KIF21A: variants seen among roughly 807,000 people sequenced by gnomAD.
KIF21A encodes kinesin-like protein KIF21A.
In KIF21A, 114 loss-of-function variants were observed where a neutral mutation model predicts 202.9. The ratio of observed to expected loss-of-function variants is 0.56; its 90% CI spans 0.48 to 0.66. The LOEUF (loss-of-function observed/expected upper bound fraction) is 0.66, where lower values mean the gene tolerates loss of function less well. Ranked by LOEUF, KIF21A falls within the 30% of genes least tolerant of loss-of-function variation. The pLI, the probability that KIF21A is intolerant of heterozygous loss-of-function variation, is 0.00. For synonymous variants in KIF21A, 667 were observed against 670.8 expected (o/e 0.99, Z 0.09); for missense variants, 1,677 against 1,994.9 (o/e 0.84, Z 3.04).
Position 39,416,739 on chromosome 12 carries a change from A to ATATATATATGTACATATATATGTG in KIF21A, c.44+26164_44+26187dup, listed in dbSNP as rs1566268899. ...TGTATATATGTACATATATATGTGT[A>ATATATATATGTACATATATATGTG]TATATATATGTACATATATATGTGT... On this transcript the variant is annotated intron_variant, in intron 1 of 37. Transcript: ENST00000361418. Among the ~76,000 whole-genome samples the ATATATATATGTACATATATATGTG allele has an allele frequency of 1.9e-3, 147 of 78,510 alleles. 2 individuals carry two copies. Among genetic ancestry groups the ATATATATATGTACATATATATGTG allele is most frequent in the South Asian group, 3.7e-3 (9 of 2,446 alleles). The allele number at this position is 78,510 out of a possible 152,430, so 51.5% of individuals were successfully genotyped here. A position where few individuals can be genotyped will look rare whatever the true frequency, so the allele number is the denominator to read the frequency against.
Position 39,357,437 on chromosome 12 carries a change from C to T in KIF21A, c.1216G>A (p.Gly406Ser), listed in dbSNP as rs1229330768. The T allele has an allele frequency of 6.2e-7, 1 of 1,612,128 alleles. No homozygotes were observed. The highest frequency in any genetic ancestry group is 1.7e-5 in the Admixed American group (1 of 60,028). Residue 406 changes from glycine to serine, a missense_variant and splice_region_variant, in exon 9 of 38, where the codon GGT becomes AGT. By Grantham distance (56) the Gly-to-Ser change is moderately conservative. This residue lies in a region of KIF21A where 966 missense variants were observed against 1,180.9 expected (regional missense o/e 0.82). Transcript: ENST00000361418. ...CCCTCTTCGTCAATTATTCTTTTAC[C>T]CTAGTAAAGGAAAATAATGTCCTTG... ...LQMELMEYKT[G>S]KRIIDEEGVE...
At chr12:39,398,706 T>C (rs1951941061) in intron 1 of KIF21A, among the ~76,000 whole-genome samples, 1 of 152,118 alleles carries the variant, frequency 6.6e-6, no homozygotes, top group Admixed American at 6.5e-5. Flanking sequence ...AAGTATATAG[T>C]TTACAAGACC....
At chr12:39,309,833 A>G (rs1427337618) in intron 32 of KIF21A, 67 bp from the exon 33 acceptor site, 2 of 1,282,914 alleles carry the variant, frequency 1.6e-6, no homozygotes, top group East Asian at 2.5e-5. Context: ...TCTTAACAAT[A>G]AAAATTATTT....
intron 1 of KIF21A, among the ~76,000 whole-genome samples, chr12:39,414,354 GTC>G (rs1392104499): frequency 6.6e-6 from 1 of 152,148 alleles, no homozygotes; most frequent in Non-Finnish European, 1.5e-5. Flanking sequence ...TTACATTACT[GTC>G]TCTAATACTT....
chr12:39,307,437 T>TA, intron 34 of KIF21A, 128 bp downstream of exon 34: 1 of 791,574 alleles, frequency 1.3e-6, no homozygotes, highest in Non-Finnish European at 2.1e-6. Flanking sequence ...CTATGCTGAA[T>TA]AAAAAAGCCT....
At chr12:39,348,607 A>G (rs192727019) in intron 11 of KIF21A, among the ~76,000 whole-genome samples, 39 of 152,086 alleles carry the variant, frequency 2.6e-4, no homozygotes, top group Admixed American at 6.6e-4. Flanking sequence ...AGCCACTCCA[A>G]CCAAAAATCT....
chr12:39,307,616 G>A lies in KIF21A; in HGVS notation c.4391C>T (p.Thr1464Ile), dbSNP rs568874833. 1 of 1,614,108 alleles carries A rather than the reference G, an allele frequency of 6.2e-7. No homozygotes were observed. Among genetic ancestry groups the A allele is most frequent in the East Asian group, 2.2e-5 (1 of 44,862 alleles). Residue 1464 changes from threonine to isoleucine, a missense_variant, in exon 34 of 38, where the codon ACC becomes ATC. Thr to Ile is a moderately conservative substitution (Grantham distance 89). Coordinates refer to ENST00000361418, the MANE Select transcript of KIF21A (RefSeq NM_001173464.2). ...INQIALNPTGTFLYAASGNAV... is the reference protein window; with the variant it reads ...INQIALNPTGIFLYAASGNAV... ...ATTTCCAGAAGCAGCATAGAGGAAG[G>A]TGCCAGTTGGGTTTAGGGCAATTTG...
Position 39,325,968 on chromosome 12 carries a change from A to T in KIF21A, c.3402-75T>A. The T allele has an allele frequency of 2.6e-6, 3 of 1,136,488 alleles. No individual in the cohort carries two copies. The South Asian group carries it at 4.0e-5, about 15-fold the overall frequency. The allele number at this position is 1,136,488 out of a possible 1,614,324, so 70.4% of individuals were successfully genotyped here. ...AGAAAACTATAGCTCCTCTATATCA[A>T]CGACTACAAAAAATTTATATGCCTA... is the stretch of plus-strand genomic sequence containing the variant. On this transcript the variant is annotated intron_variant, in intron 25 of 37. Coordinates refer to ENST00000361418, the MANE Select transcript of KIF21A (RefSeq NM_001173464.2).
chr12:39,426,770 G>C (rs1954791697), intron 1 of KIF21A, among the ~76,000 whole-genome samples: 1 of 150,372 alleles, frequency 6.7e-6, no homozygotes, highest in Admixed American at 6.6e-5. Flanking sequence ...GGTAATCCCA[G>C]CTACTTGGGA....
chr12:39,323,140 C>T (rs1018300925), intron 26 of KIF21A, among the ~76,000 whole-genome samples: 7 of 151,960 alleles, frequency 4.6e-5, no homozygotes, highest in East Asian at 1.9e-4. Context: ...TATATTAGCA[C>T]GAGATAGGTA....
In KIF21A at chr12:39,303,023, C is replaced by A. The variant is rs1235926181; in HGVS notation, c.4673G>T (p.Ser1558Ile). 1 of 1,614,062 alleles carries A rather than the reference C, an allele frequency of 6.2e-7. No homozygotes were observed. ...CTTGATTCCATTATCTCTAGACCCA[C>A]TAAATAGGTTATCCCCTTGAATGGT... ...ALTIQGDNLF[S>I]GSRDNGIKKW... Residue 1558 changes from serine to isoleucine, a missense_variant, in exon 36 of 38, where the codon AGT becomes ATT. Ser to Ile is a moderately radical substitution (Grantham distance 142). Transcript: ENST00000361418.
chr12:39,400,114 A>G (rs1952052317), intron 1 of KIF21A, among the ~76,000 whole-genome samples: 1 of 152,224 alleles, frequency 6.6e-6, no homozygotes, highest in Admixed American at 6.5e-5. Context: ...TTCCTGGTTT[A>G]GTGAAAATCC....
Position 39,331,739 on chromosome 12 carries a change from G to T in KIF21A, c.3104C>A (p.Thr1035Lys), listed in dbSNP as rs1946524402. The T allele has an allele frequency of 6.2e-7, 1 of 1,613,676 alleles. No individual in the cohort carries two copies. Among genetic ancestry groups the T allele is most frequent in the Non-Finnish European group, 8.5e-7 (1 of 1,179,694 alleles). Reference sequence around the variant, plus strand: ...GTGATCTAGCAGGTATCGGGCTTCTGTAAGGGTGCAGGCATTAATGACTGC... The same window carrying T: ...GTGATCTAGCAGGTATCGGGCTTCTTTAAGGGTGCAGGCATTAATGACTGC... ...VTAVINACTLTEARYLLDHFL... is the reference protein window; with the variant it reads ...VTAVINACTLKEARYLLDHFL... Residue 1035 changes from threonine (T) to lysine (K), a missense_variant, in exon 22 of 38, where the codon ACA becomes AAA. Thr to Lys is a moderately conservative substitution (Grantham distance 78, BLOSUM62 -1). Coordinates refer to ENST00000361418, the MANE Select transcript of KIF21A (RefSeq NM_001173464.2).
At chr12:39,409,094 T>C (rs1952858261) in intron 1 of KIF21A, among the ~76,000 whole-genome samples, 1 of 151,896 alleles carries the variant, frequency 6.6e-6, no homozygotes, top group South Asian at 2.1e-4. Flanking sequence ...CCTTGGCCTC[T>C]GAAAGTGTTG....
At chr12:39,362,376 A>G (rs1949302278) in intron 7 of KIF21A, among the ~76,000 whole-genome samples, 1 of 152,212 alleles carries the variant, frequency 6.6e-6, no homozygotes, top group African/African-American at 2.4e-5. Context: ...TATTGCAAAC[A>G]CTGTAAAATA....
chr12:39,381,816 T>G (rs1950635084), intron 1 of KIF21A, among the ~76,000 whole-genome samples: 1 of 152,186 alleles, frequency 6.6e-6, no homozygotes, highest in South Asian at 2.1e-4. Flanking sequence ...TTAGAGTTAA[T>G]CAAAGGGAAA....
At chr12:39,356,065 G>C (rs945629410) in intron 10 of KIF21A, among the ~76,000 whole-genome samples, 2 of 152,178 alleles carry the variant, frequency 1.3e-5, no homozygotes, top group Non-Finnish European at 2.9e-5. Context: ...CCCCCATGGA[G>C]CTGACTGGGG....
chr12:39,393,439 T>C (rs1317958492), intron 1 of KIF21A, among the ~76,000 whole-genome samples: 1 of 152,196 alleles, frequency 6.6e-6, no homozygotes, highest in Non-Finnish European at 1.5e-5. Context: ...AATGGACTAA[T>C]CCCAAATGAG....
chr12:39,405,490 T>G (rs1262839604), intron 1 of KIF21A, among the ~76,000 whole-genome samples: 1 of 152,174 alleles, frequency 6.6e-6, no homozygotes, highest in Non-Finnish European at 1.5e-5. Context: ...TTAAAAAAAG[T>G]ATTTGTAAGA....
Sources: gnomAD v4.1 joint callset for allele counts (sites outside exome capture counted in the v4.1 genomes callset) on GRCh38, gnomAD v4.1.1 for gene constraint, gnomAD v4.1.1 regional missense constraint, MANE v1.5 for transcripts, NCBI Gene and HGNC (gene_info 2026-07-23, HGNC 2026-07-21) for gene names.